Variants in PABPC4L observed in about 807,000 individuals in gnomAD.
PABPC4L encodes poly(A) binding protein cytoplasmic 4 like.
For missense variants in PABPC4L, 452 were observed against 451.4 expected, an observed-to-expected ratio of 1.00 and a Z score of -0.01; for synonymous variants, 169 against 164.1, an observed-to-expected ratio of 1.03 and a Z score of -0.23.
the PABPC4L span, among the ~76,000 whole-genome samples, chr4:133,996,705 C>T: frequency 9.6e-3 from 1,457 of 152,190 alleles, 29 homozygotes; most frequent in African/African-American, 0.032. Context: ...AGAAGTATGC[C>T]GACACAGGTA....
chr4:134,070,882 C>T, the PABPC4L span, among the ~76,000 whole-genome samples: 60 of 152,212 alleles, frequency 3.9e-4, 1 homozygote, highest in East Asian at 0.011. Flanking sequence ...GGCCTTGTCT[C>T]ATGGACAAGA....
the PABPC4L span, among the ~76,000 whole-genome samples, chr4:134,183,230 AT>A: frequency 6.6e-6 from 1 of 151,976 alleles, no homozygotes; most frequent in Non-Finnish European, 1.5e-5. Context: ...GGTAGAGTGG[AT>A]AAAAGAAAAT....
the PABPC4L span, among the ~76,000 whole-genome samples, chr4:134,041,714 T>TA: frequency 4.0e-5 from 6 of 150,830 alleles, no homozygotes; most frequent in South Asian, 6.3e-4. Flanking sequence ...ATAGTATAAT[T>TA]AAAAAAAAAG....
At chr4:134,114,723 C>T in the PABPC4L span, among the ~76,000 whole-genome samples, 1 of 151,750 alleles carries the variant, frequency 6.6e-6, no homozygotes, top group Non-Finnish European at 1.5e-5. Flanking sequence ...CCTATTCAAA[C>T]TTTTATGTGA....
chr4:134,149,797 A>G, the PABPC4L span, among the ~76,000 whole-genome samples: 99 of 152,266 alleles, frequency 6.5e-4, 1 homozygote, highest in South Asian at 0.019. Context: ...GTATAGGTAA[A>G]TTATTTACTA....
the PABPC4L span, among the ~76,000 whole-genome samples, chr4:134,182,166 T>TA: frequency 6.6e-6 from 1 of 151,130 alleles, no homozygotes; most frequent in African/African-American, 2.4e-5. Flanking sequence ...AAAGCCTAAG[T>TA]AAAAAGAAAA....
the PABPC4L span, among the ~76,000 whole-genome samples, chr4:134,030,614 T>C: frequency 2.0e-5 from 3 of 152,100 alleles, no homozygotes; most frequent in African/African-American, 7.2e-5. Flanking sequence ...AATACATCAC[T>C]GTTTTAATTC....
the PABPC4L span, among the ~76,000 whole-genome samples, chr4:134,093,088 C>T: frequency 1.1e-4 from 16 of 150,658 alleles, no homozygotes; most frequent in Non-Finnish European, 1.6e-4. Flanking sequence ...TTGTCATGTC[C>T]TCTCTCTCAT....
chr4:134,079,263 A>G, the PABPC4L span, among the ~76,000 whole-genome samples: 1 of 150,370 alleles, frequency 6.7e-6, no homozygotes, highest in Non-Finnish European at 1.5e-5. Flanking sequence ...AGCCACCACA[A>G]CCAACCTGTT....
chr4:134,134,870 T>C, the PABPC4L span, among the ~76,000 whole-genome samples: 4 of 151,866 alleles, frequency 2.6e-5, no homozygotes, highest in African/African-American at 9.7e-5. Context: ...GCTGAATAAA[T>C]TTACTGAGAA....
the PABPC4L span, among the ~76,000 whole-genome samples, chr4:133,960,846 C>T: frequency 2.0e-5 from 3 of 152,016 alleles, no homozygotes; most frequent in Non-Finnish European, 1.5e-5. Context: ...CATAATGCTC[C>T]TAGGTACACA....
the PABPC4L span, among the ~76,000 whole-genome samples, chr4:134,054,252 GTATATATATATATATATATATATATATA>G: frequency 3.1e-4 from 29 of 93,776 alleles, no homozygotes; most frequent in Non-Finnish European, 5.6e-4. Flanking sequence ...AGTTGTATAT[GTATATATATATATATATATATATATATA>G]TATATATATA....
chr4:133,948,852 T>C, the PABPC4L span, among the ~76,000 whole-genome samples: 3 of 152,170 alleles, frequency 2.0e-5, no homozygotes, highest in Non-Finnish European at 4.4e-5. Context: ...TTAAAGTTTG[T>C]CTGAGATCAG....
At chr4:134,054,262 A>G in the PABPC4L span, among the ~76,000 whole-genome samples, 225 of 118,566 alleles carry the variant, frequency 1.9e-3, 1 homozygote, top group African/African-American at 5.9e-3. Context: ...GTATATATAT[A>G]TATATATATA....
the PABPC4L span, among the ~76,000 whole-genome samples, chr4:134,109,501 A>G: frequency 6.6e-6 from 1 of 151,872 alleles, no homozygotes; most frequent in African/African-American, 2.4e-5. Flanking sequence ...GAAGGGAGAT[A>G]CTAATTATTC....
chr4:134,178,479 G>T, the PABPC4L span, among the ~76,000 whole-genome samples: 1 of 82,848 alleles, frequency 1.2e-5, no homozygotes, highest in Admixed American at 1.5e-4. Flanking sequence ...AACTCAAAAA[G>T]CCAGAGTGTT....
the PABPC4L span, among the ~76,000 whole-genome samples, chr4:134,002,843 TTAAAC>T: frequency 6.6e-6 from 1 of 152,078 alleles, no homozygotes; most frequent in South Asian, 2.1e-4. Context: ...TTTCTGATTC[TTAAAC>T]TAATGATTTT....
At chr4:134,003,829 C>T in the PABPC4L span, among the ~76,000 whole-genome samples, 11 of 151,774 alleles carry the variant, frequency 7.2e-5, no homozygotes, top group African/African-American at 1.7e-4. Context: ...TAATGTTAAA[C>T]GGTTGAAAAA....
the PABPC4L span, among the ~76,000 whole-genome samples, chr4:134,135,848 A>C: frequency 6.6e-6 from 1 of 152,234 alleles, no homozygotes; most frequent in Non-Finnish European, 1.5e-5. Context: ...ATAAATAAAT[A>C]AATAAAATAA....
Sources: allele counts gnomAD v4.1 joint callset (sites outside exome capture counted in the v4.1 genomes callset), GRCh38; gene constraint gnomAD v4.1.1; transcripts MANE v1.5; gene names NCBI Gene and HGNC (gene_info 2026-07-23, HGNC 2026-07-21).